CDKAL1: variants seen among roughly 807,000 people sequenced by gnomAD.
CDKAL1 encodes CDKAL1 threonylcarbamoyladenosine tRNA methylthiotransferase, also known as threonylcarbamoyladenosine tRNA methylthiotransferase.
Under a neutral mutation model 68.2 loss-of-function variants are expected in CDKAL1, and 32 were observed. The ratio of observed to expected loss-of-function variants is 0.47; its 90% CI spans 0.35 to 0.63. The LOEUF is 0.63. Ranked by LOEUF, CDKAL1 falls within the 30% of genes least tolerant of loss-of-function variation. The pLI is 0.00. For synonymous variants in CDKAL1, 234 were observed against 244.3 expected (o/e 0.96, Z 0.39); for missense variants, 606 against 696.7 (o/e 0.87, Z 1.47).
intron 5 of CDKAL1, among the ~76,000 whole-genome samples, chr6:20,703,453 GA>G (rs932099580): frequency 1.3e-4 from 20 of 148,672 alleles, no homozygotes; most frequent in Non-Finnish European, 2.2e-4. Context: ...AAACAAAAAG[GA>G]AAAAAAAACC....
rs971538052 is a variant in CDKAL1 at position 21,170,307 on chromosome 6, G to A, written c.1300-27714G>A. On this transcript the variant is annotated intron_variant, in intron 13 of 15. Coordinates refer to ENST00000274695, the MANE Select transcript of CDKAL1 (RefSeq NM_017774.3). Reference sequence around the variant, plus strand: ...TTAGTTTTCTTATTTTAAATACAGTGTCTACTTATGAGGTTGGTTGGTTGG... The same window carrying A: ...TTAGTTTTCTTATTTTAAATACAGTATCTACTTATGAGGTTGGTTGGTTGG... Among the ~76,000 whole-genome samples the A allele has an allele frequency of 3.9e-5, 6 of 152,120 alleles. No individual in the cohort carries two copies. In the South Asian group the frequency reaches 8.3e-4, roughly 21 times the overall value.
intron 8 of CDKAL1, among the ~76,000 whole-genome samples, chr6:20,783,982 A>T (rs1451229939): frequency 1.3e-5 from 2 of 152,158 alleles, no homozygotes; most frequent in East Asian, 3.9e-4. Context: ...TGGGAGGCCA[A>T]GGTGGATGGA....
chr6:21,153,235 C>CTTTTT (rs1162272560), intron 13 of CDKAL1, among the ~76,000 whole-genome samples: 16 of 96,204 alleles, frequency 1.7e-4, no homozygotes, highest in East Asian at 3.7e-4. Context: ...TATGTGATTT[C>CTTTTT]TTTTTTTTTT....
intron 15 of CDKAL1, among the ~76,000 whole-genome samples, chr6:21,226,474 T>TAATC (rs965531806): frequency 3.3e-5 from 5 of 152,228 alleles, no homozygotes; most frequent in African/African-American, 4.8e-5. Context: ...AAACCCATGT[T>TAATC]AATCAAAGTT....
At chr6:21,052,883 C>T (rs1356271232) in intron 11 of CDKAL1, among the ~76,000 whole-genome samples, 8 of 152,118 alleles carry the variant, frequency 5.3e-5, no homozygotes. Context: ...AATTGAGTCT[C>T]ACATAGTAAG....
intron 8 of CDKAL1, among the ~76,000 whole-genome samples, chr6:20,807,304 A>T (rs930529097): frequency 6.6e-6 from 1 of 152,002 alleles, no homozygotes; most frequent in South Asian, 2.1e-4. Context: ...GCTCACTGCA[A>T]CCTCCACCTT....
At chr6:21,096,285 G>A (rs767869567) in intron 12 of CDKAL1, among the ~76,000 whole-genome samples, 35 of 152,112 alleles carry the variant, frequency 2.3e-4, no homozygotes, top group Admixed American at 6.5e-5. Flanking sequence ...GAGAAATTTC[G>A]TTTTCTCCAT....
chr6:21,112,164 G>C (rs552857248), intron 13 of CDKAL1, among the ~76,000 whole-genome samples: 1 of 151,754 alleles, frequency 6.6e-6, no homozygotes, highest in African/African-American at 2.4e-5. Context: ...TGTGCTGTTT[G>C]TCCTTGGCCT....
intron 6 of CDKAL1, among the ~76,000 whole-genome samples, chr6:20,750,193 A>G (rs570948728): frequency 3.3e-4 from 50 of 152,244 alleles, no homozygotes; most frequent in African/African-American, 1.2e-3. Context: ...GGCACACTGC[A>G]GCCTCCCAAG....
intron 11 of CDKAL1, among the ~76,000 whole-genome samples, chr6:21,062,440 G>A (rs1582122010): frequency 1.3e-5 from 2 of 152,052 alleles, no homozygotes; most frequent in East Asian, 3.8e-4. Flanking sequence ...TAGCTTACAT[G>A]TAAAATCATA....
intron 11 of CDKAL1, among the ~76,000 whole-genome samples, chr6:21,022,559 T>C (rs1768725491): frequency 6.6e-6 from 1 of 152,204 alleles, no homozygotes; most frequent in South Asian, 2.1e-4. Context: ...TTGGGTCAGC[T>C]GGCTTAGCTG....
chr6:20,736,297 A>G (rs554723907), intron 5 of CDKAL1, among the ~76,000 whole-genome samples: 108 of 152,284 alleles, frequency 7.1e-4, no homozygotes, highest in African/African-American at 2.6e-3. Context: ...AGAAGTTGCA[A>G]CAGAGACCTT....
At chr6:20,700,165 C>T (rs193077770) in intron 5 of CDKAL1, among the ~76,000 whole-genome samples, 3 of 151,172 alleles carry the variant, frequency 2.0e-5, no homozygotes, top group East Asian at 1.9e-4. Context: ...TTTTTTCCAC[C>T]TTGCTTCTGT....
At chr6:20,969,989 A>G (rs965471830) in intron 10 of CDKAL1, among the ~76,000 whole-genome samples, 6 of 145,566 alleles carry the variant, frequency 4.1e-5, no homozygotes, top group Admixed American at 2.1e-4. Flanking sequence ...CCCAGCTGTT[A>G]TCACAGCCTG....
At chr6:21,150,645 C>G (rs1562073391) in intron 13 of CDKAL1, among the ~76,000 whole-genome samples, 1 of 152,184 alleles carries the variant, frequency 6.6e-6, no homozygotes, top group Non-Finnish European at 1.5e-5. Context: ...AGGAAGCAGT[C>G]AAGTCCACTT....
chr6:21,156,269 A>T (rs569749416), intron 13 of CDKAL1, among the ~76,000 whole-genome samples: 69 of 151,920 alleles, frequency 4.5e-4, no homozygotes, highest in African/African-American at 1.3e-3. Flanking sequence ...AAAAATTTTT[A>T]AAAAATTAGC....
chr6:20,814,970 G>A (rs1776983834), intron 8 of CDKAL1, among the ~76,000 whole-genome samples: 3 of 152,144 alleles, frequency 2.0e-5, no homozygotes, highest in Admixed American at 2.0e-4. Context: ...AAACTCTTTA[G>A]GCACCATGTT....
At chr6:20,894,478 A>G (rs893401555) in intron 9 of CDKAL1, among the ~76,000 whole-genome samples, 3 of 149,824 alleles carry the variant, frequency 2.0e-5, no homozygotes, top group South Asian at 2.1e-4. Context: ...TAATACTTCA[A>G]ATTTTTTTAC....
chr6:20,555,225 C>T (rs1258211687), intron 4 of CDKAL1, among the ~76,000 whole-genome samples: 1 of 152,166 alleles, frequency 6.6e-6, no homozygotes, highest in Non-Finnish European at 1.5e-5. Flanking sequence ...TGTGTTAAAT[C>T]CTAGAAGTTG....
Sources: allele counts gnomAD v4.1 joint callset (sites outside exome capture counted in the v4.1 genomes callset), GRCh38; gene constraint gnomAD v4.1.1; transcripts MANE v1.5; gene names NCBI Gene and HGNC (gene_info 2026-07-23, HGNC 2026-07-21).